MACF1: variants seen among roughly 807,000 people sequenced by gnomAD.
The protein encoded by MACF1 is microtubule-actin cross-linking factor 1.
MACF1 carries 193 observed loss-of-function variants against 854.8 expected under a neutral mutation model. The observed-to-expected ratio is 0.23, with a 90% confidence interval of 0.20 to 0.25. MACF1 has a LOEUF of 0.25. Ranked by LOEUF, MACF1 falls within the 10% of genes least tolerant of loss-of-function variation. The pLI, the probability that MACF1 is intolerant of heterozygous loss-of-function variation, is 1.00. For synonymous variants in MACF1, 3,185 were observed against 3,226.7 expected (o/e 0.99, Z 0.44); for missense variants, 7,722 against 8,929.1 (o/e 0.86, Z 5.45).
chr1:39,139,472 G>C (rs1416274143), intron 2 of MACF1, among the ~76,000 whole-genome samples: 1 of 151,830 alleles, frequency 6.6e-6, no homozygotes, highest in African/African-American at 2.4e-5. Context: ...GGCCAGGCTG[G>C]TCTCAAATTC....
chr1:39,355,759 C>G (rs1647503585), intron 44 of MACF1, among the ~76,000 whole-genome samples: 2 of 152,198 alleles, frequency 1.3e-5, no homozygotes, highest in South Asian at 4.1e-4. Flanking sequence ...CCACTGCGCC[C>G]AGCTTTTTTT....
rs772506802 is a variant in MACF1 at position 39,361,548 on chromosome 1, T to C, written c.12642T>C (p.Leu4214=). Residue 4214 remains leucine (L), a synonymous_variant, in exon 49 of 101, where the codon CTT becomes CTC. Transcript: ENST00000564288. ...QQEKESSLKK[L]LPQAEMFEHL... is the part of the protein sequence containing the mutation. ...AAAAGGAGAGCTCCCTAAAGAAGCT[T>C]CTACCCCAGGCAGAGATGTTTGAAC... 1 of 1,614,096 alleles carries C rather than the reference T, an allele frequency of 6.2e-7. No homozygotes were observed. Among genetic ancestry groups the C allele is most frequent in the South Asian group, 1.1e-5 (1 of 91,074 alleles).
chr1:39,378,423 T>C (rs1009646666), intron 52 of MACF1, 38 bp from the exon 53 acceptor site: 1 of 1,517,184 alleles, frequency 6.6e-7, no homozygotes, highest in Non-Finnish European at 9.2e-7. Context: ...CCTAACACGT[T>C]GGTCTTGCCC....
At chr1:39,257,867 A>G (rs1180919067) in intron 5 of MACF1, 69 bp from the exon 6 acceptor site, 1 of 1,116,574 alleles carries the variant, frequency 9.0e-7, no homozygotes, top group Non-Finnish European at 1.4e-6. Context: ...TCAATAATGA[A>G]GTGATGCAAA....
In MACF1 at chr1:39,416,856, G is replaced by C. The variant is rs74225670; in HGVS notation, c.15817-5518G>C. 6.8e-4 allele frequency among the ~76,000 whole-genome samples: 104 copies of C among 152,368 alleles called. 1 individual carries two copies. The East Asian group carries it at 0.018, about 27-fold the overall frequency. On this transcript the variant is annotated intron_variant, in intron 58 of 100. Transcript: ENST00000564288. ...TCTGTGTACAGGAAAGGATAGATCT[G>C]AGCCTCAGCCAGGACTGTTAACCAG...
At chr1:39,305,220 C>T (rs1646144892) in intron 23 of MACF1, among the ~76,000 whole-genome samples, 1 of 147,516 alleles carries the variant, frequency 6.8e-6, no homozygotes, top group African/African-American at 2.5e-5. Flanking sequence ...GAGATAGTGC[C>T]ACTGCACTCC....
intron 40 of MACF1, among the ~76,000 whole-genome samples, chr1:39,345,439 A>T (rs763750442): frequency 6.6e-6 from 1 of 151,858 alleles, no homozygotes; most frequent in Non-Finnish European, 1.5e-5. Flanking sequence ...GTGAGACACC[A>T]TGTCTACAGA....
rs538766092 is a variant in MACF1, at chr1:39,286,874, C to G, written c.1509-412C>G. Among the ~76,000 whole-genome samples, 5 of 152,362 alleles carry G rather than the reference C, an allele frequency of 3.3e-5. No individual in the cohort carries two copies. The South Asian group carries it at 8.3e-4, about 25-fold the overall frequency. Reference sequence around the variant, plus strand: ...CATTTGTCTTAAAAACAATTCTGAACTAGATGAAGATGTTCATAATATCAC... The same window carrying G: ...CATTTGTCTTAAAAACAATTCTGAAGTAGATGAAGATGTTCATAATATCAC... On this transcript the variant is annotated intron_variant, in intron 14 of 100. Transcript: ENST00000564288.
At chr1:39,455,933 A>G (rs1644427971) in intron 89 of MACF1, among the ~76,000 whole-genome samples, 1 of 152,248 alleles carries the variant, frequency 6.6e-6, no homozygotes, top group Non-Finnish European at 1.5e-5. Flanking sequence ...TTTTTAGTTT[A>G]TATAAACAAT....
At chr1:39,413,887 A>G (rs1350411431) in intron 58 of MACF1, 1 of 1,597,948 alleles carries the variant, frequency 6.3e-7, no homozygotes, top group Non-Finnish European at 8.5e-7. Context: ...CCCTGCAGCT[A>G]TGGTGGCCAC....
chr1:39,470,717 A>T (rs146132783), intron 97 of MACF1, among the ~76,000 whole-genome samples: 60 of 152,346 alleles, frequency 3.9e-4, no homozygotes. Context: ...GCTGTCTTTT[A>T]TTGCTTTAAT....
intron 59 of MACF1, 55 bp downstream of exon 59, chr1:39,422,590 C>T: frequency 3.2e-6 from 5 of 1,555,898 alleles, no homozygotes; most frequent in Non-Finnish European, 4.4e-6. Flanking sequence ...AGAAAAGAGA[C>T]ATCTGAATCT....
rs1384499467 is a variant in MACF1, at chr1:39,468,737, G to A, written c.21889+5G>A. 1 of 1,611,542 alleles carries A rather than the reference G, an allele frequency of 6.2e-7. No homozygotes were observed. Among genetic ancestry groups the A allele is most frequent in the Non-Finnish European group, 8.5e-7 (1 of 1,177,628 alleles). On this transcript the variant is annotated splice_donor_5th_base_variant and intron_variant, in intron 96 of 100. Transcript: ENST00000564288. Reference sequence around the variant, plus strand: ...TGAAAAATGATCCCTGCCGAGGTAAGGAACCATTCTAAGCATGAATTACGT... The same window carrying A: ...TGAAAAATGATCCCTGCCGAGGTAAAGAACCATTCTAAGCATGAATTACGT...
At chr1:39,342,881 A>G (rs954707311) in intron 40 of MACF1, among the ~76,000 whole-genome samples, 2 of 152,166 alleles carry the variant, frequency 1.3e-5, no homozygotes, top group Non-Finnish European at 2.9e-5. Flanking sequence ...ACCATATGCA[A>G]AAGACCTATT....
intron 5 of MACF1, chr1:39,254,620 G>A: frequency 4.8e-6 from 2 of 420,952 alleles, no homozygotes; most frequent in Non-Finnish European, 8.5e-6. Context: ...TGATAAAGAT[G>A]GAATTTTGTG....
At chr1:39,215,899 G>A (rs1458054410) in intron 1 of MACF1, among the ~76,000 whole-genome samples, 2 of 152,150 alleles carry the variant, frequency 1.3e-5, no homozygotes, top group Non-Finnish European at 1.5e-5. Context: ...AGCTGTGACA[G>A]AGAGAGAAAA....
At chr1:39,192,312 A>AGT (rs1644263395) in intron 2 of MACF1, among the ~76,000 whole-genome samples, 1 of 152,074 alleles carries the variant, frequency 6.6e-6, no homozygotes, top group African/African-American at 2.4e-5. Flanking sequence ...CTGTGTTAAG[A>AGT]GTGAGTCACC....
intron 2 of MACF1, among the ~76,000 whole-genome samples, chr1:39,247,619 A>G (rs1368370901): frequency 3.3e-5 from 5 of 152,212 alleles, no homozygotes; most frequent in Non-Finnish European, 7.3e-5. Flanking sequence ...AATTGGTTGT[A>G]TTGGGAATAT....
chr1:39,128,615 C>T (rs981640340), intron 2 of MACF1, among the ~76,000 whole-genome samples: 4 of 151,954 alleles, frequency 2.6e-5, no homozygotes, highest in African/African-American at 9.7e-5. Flanking sequence ...AGGAGAATGG[C>T]GTGAACCCAG....
Sources: allele counts gnomAD v4.1 joint callset (sites outside exome capture counted in the v4.1 genomes callset), GRCh38; gene constraint gnomAD v4.1.1; transcripts MANE v1.5; gene names NCBI Gene and HGNC (gene_info 2026-07-23, HGNC 2026-07-21).